The following MARCHF1 variants were observed in gnomAD, a reference collection of about 807,000 sequenced individuals.
The protein encoded by MARCHF1 is membrane associated ring-CH-type finger 1.
A neutral mutation model predicts 54.2 loss-of-function variants in MARCHF1; 40 were observed. That is an observed-to-expected ratio of 0.74 (90% CI 0.57 to 0.96). The LOEUF (loss-of-function observed/expected upper bound fraction) is 0.96, where lower values mean the gene tolerates loss of function less well. MARCHF1 is among the 40% of genes least tolerant of loss of function. The pLI is 0.00. For synonymous variants in MARCHF1, 236 were observed against 236.3 expected, an observed-to-expected ratio of 1.00 and a Z score of 0.01; for missense variants, 586 against 656.5, an observed-to-expected ratio of 0.89 and a Z score of 1.17.
chr4:164,273,284 G>A (rs1733788455), intron 1 of MARCHF1, among the ~76,000 whole-genome samples: 2 of 152,032 alleles, frequency 1.3e-5, no homozygotes, highest in African/African-American at 4.8e-5. Flanking sequence ...CCGAGCAAAG[G>A]GGAAATAATC....
At chr4:163,963,308 TATAACCTCCAA>T (rs1752376070) in intron 3 of MARCHF1, among the ~76,000 whole-genome samples, 1 of 151,942 alleles carries the variant, frequency 6.6e-6, no homozygotes, top group South Asian at 2.1e-4. Flanking sequence ...CTAGTGACTT[TATAACCTCCAA>T]AAAATTCTTG....
chr4:164,027,625 A>G (rs1753799299), intron 2 of MARCHF1, among the ~76,000 whole-genome samples: 1 of 152,078 alleles, frequency 6.6e-6, no homozygotes, highest in African/African-American at 2.4e-5. Context: ...ATTTAAGTGT[A>G]AGATGTCAAA....
intron 9 of MARCHF1, among the ~76,000 whole-genome samples, chr4:163,543,374 G>A (rs1023537881): frequency 6.6e-6 from 1 of 151,780 alleles, no homozygotes; most frequent in Non-Finnish European, 1.5e-5. Flanking sequence ...GGTAGAAGAG[G>A]AAGGAGATCA....
chr4:164,197,461 G>A lies in MARCHF1; in HGVS notation c.-322-85799C>T, dbSNP rs1731308288. The A allele has an allele frequency of 5.0e-6, 8 of 1,613,580 alleles. No individual in the cohort carries two copies. The East Asian group carries it at 1.8e-4, about 36-fold the overall frequency. ...ACTTAAATATAGATGCGTGAGGTTTGGACACTTTTCTGCCAATACTTCCAG... is the reference window on the plus strand; with the variant it reads ...ACTTAAATATAGATGCGTGAGGTTTAGACACTTTTCTGCCAATACTTCCAG... On this transcript the variant is annotated intron_variant, in intron 1 of 9. Transcript: ENST00000514618.
At chr4:163,900,007 T>G (rs1336833084) in intron 3 of MARCHF1, among the ~76,000 whole-genome samples, 1 of 152,246 alleles carries the variant, frequency 6.6e-6, no homozygotes, top group East Asian at 1.9e-4. Context: ...TTGTCTTTGC[T>G]AGAATGTCAC....
intron 1 of MARCHF1, among the ~76,000 whole-genome samples, chr4:164,203,280 G>A (rs1408581422): frequency 6.6e-6 from 1 of 151,998 alleles, no homozygotes; most frequent in Non-Finnish European, 1.5e-5. Flanking sequence ...GAAGGAAAGA[G>A]AGGGATAGGG....
intron 4 of MARCHF1, among the ~76,000 whole-genome samples, chr4:163,764,606 C>T (rs1432181475): frequency 6.6e-6 from 1 of 151,960 alleles, no homozygotes; most frequent in Non-Finnish European, 1.5e-5. Flanking sequence ...AAAGAAATAT[C>T]CTTGTCTGAA....
At chr4:164,124,938 G>A (rs1341427267) in intron 1 of MARCHF1, among the ~76,000 whole-genome samples, 7 of 151,944 alleles carry the variant, frequency 4.6e-5, no homozygotes, top group East Asian at 1.9e-4. Context: ...GAGTATAATC[G>A]GATTGTTTGT....
At chr4:163,776,790 T>C (rs1015044472) in intron 4 of MARCHF1, among the ~76,000 whole-genome samples, 1 of 152,162 alleles carries the variant, frequency 6.6e-6, no homozygotes, top group Non-Finnish European at 1.5e-5. Flanking sequence ...GTAAGTATTA[T>C]CACTGCTGTA....
At chr4:163,859,234 T>C (rs897069653) in intron 3 of MARCHF1, among the ~76,000 whole-genome samples, 1 of 152,162 alleles carries the variant, frequency 6.6e-6, no homozygotes, top group Non-Finnish European at 1.5e-5. Flanking sequence ...TTAAAACCAC[T>C]AACCTTTCTA....
At chr4:163,919,194 T>C (rs917162616) in intron 3 of MARCHF1, among the ~76,000 whole-genome samples, 1 of 152,152 alleles carries the variant, frequency 6.6e-6, no homozygotes. Flanking sequence ...AAGCAAATGT[T>C]AAAATATTTT....
intron 2 of MARCHF1, among the ~76,000 whole-genome samples, chr4:164,052,643 T>A (rs1448167310): frequency 6.6e-6 from 1 of 152,142 alleles, no homozygotes; most frequent in Non-Finnish European, 1.5e-5. Context: ...GACACAGACG[T>A]ACTGTTTGCA....
At chr4:163,976,825 A>G (rs1213823460) in intron 3 of MARCHF1, among the ~76,000 whole-genome samples, 1 of 152,146 alleles carries the variant, frequency 6.6e-6, no homozygotes, top group Non-Finnish European at 1.5e-5. Flanking sequence ...ATCTGAGTCA[A>G]TGAGGTTTCA....
At chr4:164,239,230 T>C (rs1036951775) in intron 1 of MARCHF1, among the ~76,000 whole-genome samples, 2 of 152,056 alleles carry the variant, frequency 1.3e-5, no homozygotes, top group African/African-American at 4.8e-5. Context: ...AAGTGAATAA[T>C]CTCTGAGTGA....
intron 1 of MARCHF1, among the ~76,000 whole-genome samples, chr4:164,341,442 T>TA (rs372171297): frequency 2.0e-5 from 3 of 151,902 alleles, no homozygotes; most frequent in African/African-American, 2.4e-5. Flanking sequence ...GCCAACAAAA[T>TA]AAAAAAAATA....
chr4:164,179,779 A>T (rs1271609553), intron 1 of MARCHF1, among the ~76,000 whole-genome samples: 1 of 151,868 alleles, frequency 6.6e-6, no homozygotes, highest in East Asian at 1.9e-4. Context: ...TTTAAAAAAG[A>T]AAATTTTGAT....
At chr4:164,019,846 C>A (rs1753623672) in intron 2 of MARCHF1, among the ~76,000 whole-genome samples, 2 of 152,162 alleles carry the variant, frequency 1.3e-5, no homozygotes, top group South Asian at 4.1e-4. Context: ...AAGCCTGAGG[C>A]CTAATTGTAA....
At chr4:164,249,647 A>G (rs999088654) in intron 1 of MARCHF1, among the ~76,000 whole-genome samples, 12 of 151,972 alleles carry the variant, frequency 7.9e-5, no homozygotes, top group African/African-American at 2.2e-4. Context: ...TTTTCTACCA[A>G]TCTATAAGAA....
At chr4:163,562,576 C>A (rs1396914883) in intron 8 of MARCHF1, among the ~76,000 whole-genome samples, 7 of 152,092 alleles carry the variant, frequency 4.6e-5, no homozygotes, top group Admixed American at 4.6e-4. Context: ...ACCTTCACCC[C>A]CAGTCTCATC....
Sources: gnomAD v4.1 joint callset for allele counts (sites outside exome capture counted in the v4.1 genomes callset) on GRCh38, gnomAD v4.1.1 for gene constraint, MANE v1.5 for transcripts, NCBI Gene and HGNC (gene_info 2026-07-23, HGNC 2026-07-21) for gene names.